NALCN: variants seen among roughly 807,000 people sequenced by gnomAD.
NALCN encodes the protein sodium leak channel NALCN.
Under a neutral mutation model 225.3 loss-of-function variants are expected in NALCN, and 111 were observed. The observed-to-expected ratio is 0.49, with a 90% CI of 0.42 to 0.58. The LOEUF (loss-of-function observed/expected upper bound fraction) is 0.58. Among genes scored for constraint, NALCN ranks in the 20% least tolerant of loss-of-function variants. The pLI is 0.00. For missense variants in NALCN, 1,378 were observed against 2,202.4 expected, an observed-to-expected ratio of 0.63 and a Z score of 7.49; for synonymous variants, 764 against 769.0, an observed-to-expected ratio of 0.99 and a Z score of 0.11.
At chr13:101,327,777 T>C (rs2045014755) in intron 7 of NALCN, among the ~76,000 whole-genome samples, 1 of 152,146 alleles carries the variant, frequency 6.6e-6, no homozygotes, top group African/African-American at 2.4e-5. Flanking sequence ...CCTCCTAGGA[T>C]AAAGACTGCA....
At chr13:101,273,896 A>G (rs980497540) in intron 10 of NALCN, among the ~76,000 whole-genome samples, 3 of 151,834 alleles carry the variant, frequency 2.0e-5, no homozygotes, top group East Asian at 3.9e-4. Context: ...AAAAAAAAAA[A>G]AAAAAAAAAA....
At chr13:101,109,492 C>T (rs1215084182) in intron 20 of NALCN, among the ~76,000 whole-genome samples, 1 of 152,146 alleles carries the variant, frequency 6.6e-6, no homozygotes, top group Non-Finnish European at 1.5e-5. Context: ...TCCAAAAGCT[C>T]AAGAAATAAG....
At chr13:101,288,522 G>T (rs17622419) in intron 9 of NALCN, among the ~76,000 whole-genome samples, 30,204 of 152,016 alleles carry the variant, frequency 0.2, 3,694 homozygotes, top group Non-Finnish European at 0.26. Context: ...TAAGAATGTT[G>T]ATGGAAACCC....
At chr13:101,208,098 C>T (rs995670347) in intron 13 of NALCN, among the ~76,000 whole-genome samples, 15 of 150,820 alleles carry the variant, frequency 9.9e-5, no homozygotes, top group Non-Finnish European at 1.5e-4. Flanking sequence ...ACAGGAGGAA[C>T]GAACAACTCC....
Position 101,089,615 on chromosome 13 carries a change from T to C in NALCN, c.3489+48A>G, listed in dbSNP as rs753602413. 9.8e-6 allele frequency: 15 copies of C among 1,535,122 alleles called. No homozygotes were observed. Among genetic ancestry groups the C allele is most frequent in the Non-Finnish European group, 1.3e-5 (15 of 1,114,902 alleles). The stretch of plus-strand genomic sequence containing the variant: ...AAAGAAACAAATAGCTCAAAGTGAG[T>C]GGCTAGAAAAGGCTAAACCCTGTGG... On this transcript the variant is annotated intron_variant, in intron 30 of 43. Transcript: ENST00000251127. The surrounding 1 kb of genome is among the most constrained non-coding windows in gnomAD (Gnocchi z 4.7).
chr13:101,319,424 A>T (rs2044667868), intron 7 of NALCN, among the ~76,000 whole-genome samples: 1 of 152,222 alleles, frequency 6.6e-6, no homozygotes, highest in African/African-American at 2.4e-5. Flanking sequence ...GACACTTCTG[A>T]AAGATGAAAC....
At chr13:101,144,246 G>A (rs761689768) in intron 16 of NALCN, among the ~76,000 whole-genome samples, 33 of 152,136 alleles carry the variant, frequency 2.2e-4, no homozygotes, top group Non-Finnish European at 4.0e-4. Flanking sequence ...GTGGAAAAAC[G>A]CCACGGTTCT....
At position 101,225,391 on chromosome 13, in the gene NALCN, C is replaced by G. The variant is rs143874883; in HGVS notation, c.1626+4002G>C. Among the ~76,000 whole-genome samples, 1,347 of 152,336 alleles carry G rather than the reference C, an allele frequency of 8.8e-3. 16 individuals carry two copies. Among genetic ancestry groups the G allele is most frequent in the Middle Eastern group, 0.02 (6 of 294 alleles). Reference sequence around the variant, plus strand: ...TCCTCCTAATCAATCTTCACCTGTTCCATTCATCCAGTATGTTAGAAAAAG... The same window carrying G: ...TCCTCCTAATCAATCTTCACCTGTTGCATTCATCCAGTATGTTAGAAAAAG... On this transcript the variant is annotated intron_variant, in intron 13 of 43. Transcript: ENST00000251127.
intron 7 of NALCN, among the ~76,000 whole-genome samples, chr13:101,326,356 T>C (rs1435113140): frequency 6.6e-6 from 1 of 152,172 alleles, no homozygotes; most frequent in Non-Finnish European, 1.5e-5. Flanking sequence ...AGTGAATGAA[T>C]AAACTTAAAA....
chr13:101,410,614 T>C (rs112868164), intron 1 of NALCN, among the ~76,000 whole-genome samples: 2,107 of 152,316 alleles, frequency 0.014, 63 homozygotes, highest in African/African-American at 0.048. Context: ...GATTTTCTAG[T>C]CTAGACTACA....
At position 101,292,239 on chromosome 13, in the gene NALCN, G is replaced by A. The variant is rs200398810; in HGVS notation, c.927C>T (p.Leu309=). 35 of 1,613,962 alleles carry A rather than the reference G, an allele frequency of 2.2e-5. No individual in the cohort carries two copies. In the East Asian group the frequency reaches 3.1e-4, roughly 14 times the overall value. Residue 309 remains leucine (L), a synonymous_variant, in exon 8 of 44, where the codon CTC becomes CTT. Transcript: ENST00000251127. This position sits in a 1 kb window ranked among gnomAD's most constrained non-coding sequence, Gnocchi z 4.3. ...TTCGCAGTACCTTCACAAGCCAGGC[G>A]AGGAAGAAAATGAGAGTGATGAAAT... ...YFYFITLIFF[L]AWLVKNVFIA... is the part of the protein sequence containing the mutation.
At chr13:101,379,204 A>T (rs2046778759) in intron 3 of NALCN, among the ~76,000 whole-genome samples, 1 of 152,224 alleles carries the variant, frequency 6.6e-6, no homozygotes, top group African/African-American at 2.4e-5. Context: ...ATCATTAAAA[A>T]GTCAGGAAAC....
intron 2 of NALCN, among the ~76,000 whole-genome samples, chr13:101,397,092 A>G (rs1209976974): frequency 3.0e-4 from 22 of 74,038 alleles, no homozygotes; most frequent in African/African-American, 1.5e-3. Context: ...ATATATATAT[A>G]TATATATATA....
chr13:101,244,154 T>C (rs1264883964), intron 11 of NALCN, among the ~76,000 whole-genome samples: 1 of 146,912 alleles, frequency 6.8e-6, no homozygotes, highest in Non-Finnish European at 1.5e-5. Flanking sequence ...ACCTGTATTT[T>C]CAGACTGAGA....
chr13:101,250,729 C>T (rs1029023997), intron 11 of NALCN, among the ~76,000 whole-genome samples: 5 of 151,782 alleles, frequency 3.3e-5, no homozygotes, highest in Non-Finnish European at 7.4e-5. Context: ...CTATATCTTA[C>T]AGTGTTAAAA....
At chr13:101,333,243 G>A (rs2045249839) in intron 7 of NALCN, among the ~76,000 whole-genome samples, 1 of 152,058 alleles carries the variant, frequency 6.6e-6, no homozygotes, top group Non-Finnish European at 1.5e-5. Flanking sequence ...TAGCAATTGT[G>A]GTAGTGGTTG....
chr13:101,390,186 A>G (rs534002134), intron 3 of NALCN, among the ~76,000 whole-genome samples: 9 of 152,308 alleles, frequency 5.9e-5, no homozygotes, highest in Admixed American at 5.9e-4. Context: ...CATGACCAAA[A>G]GAAATTTAAA....
intron 7 of NALCN, among the ~76,000 whole-genome samples, chr13:101,298,327 A>ATTTT (rs67572044): frequency 0.028 from 4,150 of 148,152 alleles, 100 homozygotes; most frequent in African/African-American, 0.067. Flanking sequence ...ATCTCCAGCT[A>ATTTT]TTTTTTTTTT....
chr13:101,154,706 G>A (rs543392178), intron 15 of NALCN, among the ~76,000 whole-genome samples: 3 of 152,254 alleles, frequency 2.0e-5, no homozygotes, highest in South Asian at 2.1e-4. Flanking sequence ...CAACACTAAC[G>A]GAGTCCCATC....
Sources: gnomAD v4.1 joint callset for allele counts (sites outside exome capture counted in the v4.1 genomes callset) on GRCh38, gnomAD v4.1.1 for gene constraint, Gnocchi (gnomAD v3.1) non-coding constraint, MANE v1.5 for transcripts, NCBI Gene and HGNC (gene_info 2026-07-23, HGNC 2026-07-21) for gene names.